Variants in PARD3B observed in about 807,000 individuals in gnomAD.
The protein encoded by PARD3B is par-3 family cell polarity regulator beta, also known as partitioning defective 3 homolog B.
In PARD3B, 103 loss-of-function variants were observed where a neutral mutation model predicts 130.2. That is an observed-to-expected ratio of 0.79 (90% CI 0.67 to 0.93). PARD3B has a LOEUF of 0.93. Ranked by LOEUF, PARD3B falls within the 40% of genes least tolerant of loss-of-function variation. PARD3B has a pLI of 0.00. For synonymous variants in PARD3B, 583 were observed against 553.2 expected (o/e 1.05, Z -0.76); for missense variants, 1,609 against 1,499.2 (o/e 1.07, Z -1.21).
chr2:205,312,473 T>G (rs760375303), intron 18 of PARD3B, among the ~76,000 whole-genome samples: 1 of 152,190 alleles, frequency 6.6e-6, no homozygotes, highest in African/African-American at 2.4e-5. Flanking sequence ...CTGCATACAC[T>G]GAGACTGAGA....
At chr2:204,584,324 T>C (rs1055462348) in intron 1 of PARD3B, among the ~76,000 whole-genome samples, 3 of 152,168 alleles carry the variant, frequency 2.0e-5, no homozygotes, top group Non-Finnish European at 4.4e-5. Flanking sequence ...TATTTAGACA[T>C]TGAGTATAAT....
chr2:204,807,567 A>G (rs1005777482), intron 2 of PARD3B, among the ~76,000 whole-genome samples: 2 of 152,284 alleles, frequency 1.3e-5, no homozygotes, highest in South Asian at 2.1e-4. Flanking sequence ...AGCAGTATTA[A>G]CAATAGCCAA....
chr2:204,903,117 A>G (rs1027028056), intron 2 of PARD3B, among the ~76,000 whole-genome samples: 4 of 152,228 alleles, frequency 2.6e-5, no homozygotes, highest in South Asian at 2.1e-4. Context: ...GTAGGCCTTT[A>G]TGGTACTTCT....
intron 1 of PARD3B, among the ~76,000 whole-genome samples, chr2:204,663,924 G>A (rs919077699): frequency 6.6e-6 from 1 of 152,154 alleles, no homozygotes; most frequent in African/African-American, 2.4e-5. Flanking sequence ...GTGTGCATTC[G>A]CTGAAGTTGT....
chr2:205,380,154 T>C (rs1341605241), intron 18 of PARD3B, among the ~76,000 whole-genome samples: 2 of 114,762 alleles, frequency 1.7e-5, no homozygotes, highest in African/African-American at 3.2e-5. Context: ...ATATATATTA[T>C]ATAAAGAATA....
chr2:204,930,026 TA>T lies in PARD3B; in HGVS notation c.223-35125del, dbSNP rs569889201. Among the ~76,000 whole-genome samples, 293 of 152,198 alleles carry T rather than the reference TA, an allele frequency of 1.9e-3. 2 individuals carry two copies. Among genetic ancestry groups the T allele is most frequent in the African/African-American group, 6.5e-3 (269 of 41,550 alleles). On this transcript the variant is annotated intron_variant, in intron 2 of 22. Coordinates refer to ENST00000406610, the MANE Select transcript of PARD3B (RefSeq NM_001302769.2). ...TCTTTGCCAAGCCCAACTATTTTAT[TA>T]TTTTTTTAATAATAATTCTGTATCT...
chr2:205,316,674 G>C (rs2042574137), intron 18 of PARD3B, among the ~76,000 whole-genome samples: 2 of 152,078 alleles, frequency 1.3e-5, no homozygotes, highest in African/African-American at 4.8e-5. Flanking sequence ...ACCATAATTG[G>C]AGTTTAAATT....
chr2:205,601,983 C>A (rs1247724197), intron 22 of PARD3B, among the ~76,000 whole-genome samples: 1 of 152,122 alleles, frequency 6.6e-6, no homozygotes, highest in Non-Finnish European at 1.5e-5. Flanking sequence ...TCCAGCTTTT[C>A]CCCATTCAGT....
chr2:205,539,489 G>T (rs564980963), intron 21 of PARD3B, among the ~76,000 whole-genome samples: 1 of 152,228 alleles, frequency 6.6e-6, no homozygotes, highest in East Asian at 1.9e-4. Flanking sequence ...CCCCTCCAAG[G>T]CCGTGGTCAG....
At position 205,589,211 on chromosome 2, in the gene PARD3B, C is replaced by T. The variant is rs2054298290; in HGVS notation, c.3261-26245C>T. Among the ~76,000 whole-genome samples, 1 of 152,158 alleles carries T rather than the reference C, an allele frequency of 6.6e-6. No homozygotes were observed. Among genetic ancestry groups the T allele is most frequent in the Non-Finnish European group, 1.5e-5 (1 of 68,030 alleles). ...GCTGAGATAGGAGGATCTCTTGAGC[C>T]CGGGAGGTCGAGGCAGCTGTAGTAA... On this transcript the variant is annotated intron_variant, in intron 22 of 22. Transcript: ENST00000406610. The surrounding 1 kb of genome is among the most constrained non-coding windows in gnomAD (Gnocchi z 4.1).
intron 3 of PARD3B, among the ~76,000 whole-genome samples, chr2:205,039,773 T>G (rs1698263071): frequency 6.6e-6 from 1 of 152,152 alleles, no homozygotes; most frequent in African/African-American, 2.4e-5. Context: ...CTCAGCCTGC[T>G]GACCAGTTTA....
chr2:205,267,556 G>A (rs959660921), intron 16 of PARD3B, among the ~76,000 whole-genome samples: 2 of 152,116 alleles, frequency 1.3e-5, no homozygotes, highest in Non-Finnish European at 2.9e-5. Flanking sequence ...GAAGAGAGGG[G>A]AAGGCATTCC....
chr2:205,329,556 T>C (rs1375938503), intron 18 of PARD3B, among the ~76,000 whole-genome samples: 1 of 152,184 alleles, frequency 6.6e-6, no homozygotes, highest in Non-Finnish European at 1.5e-5. Context: ...GTTATGACTC[T>C]GTGAAAGTAA....
At chr2:204,658,185 CTT>C (rs2035697177) in intron 1 of PARD3B, among the ~76,000 whole-genome samples, 1 of 152,064 alleles carries the variant, frequency 6.6e-6, no homozygotes, top group African/African-American at 2.4e-5. Flanking sequence ...TTCAAAGACA[CTT>C]TGAAGACTAA....
intron 16 of PARD3B, among the ~76,000 whole-genome samples, chr2:205,256,522 A>G (rs2040092357): frequency 6.6e-6 from 1 of 152,158 alleles, no homozygotes; most frequent in Admixed American, 6.5e-5. Context: ...GGTTATCTTT[A>G]TTGAAGAGGA....
chr2:205,397,127 T>A lies in PARD3B; in HGVS notation c.2631-3886T>A, dbSNP rs375636862. 4.6e-5 allele frequency among the ~76,000 whole-genome samples: 7 copies of A among 152,368 alleles called. No homozygotes were observed. The South Asian group carries it at 1.4e-3, about 32-fold the overall frequency. ...AAAATGCAATTAACTTCTCTGGGTCTCAATTTCCTCATCTTAACAATGCGG... is the reference window on the plus strand; with the variant it reads ...AAAATGCAATTAACTTCTCTGGGTCACAATTTCCTCATCTTAACAATGCGG... On this transcript the variant is annotated intron_variant, in intron 18 of 22. Transcript: ENST00000406610. This position sits in a 1 kb window ranked among gnomAD's most constrained non-coding sequence, Gnocchi z 4.8.
chr2:204,584,650 C>A (rs2032738362), intron 1 of PARD3B, among the ~76,000 whole-genome samples: 1 of 152,122 alleles, frequency 6.6e-6, no homozygotes, highest in African/African-American at 2.4e-5. Flanking sequence ...TATTTAAATT[C>A]TATGGGATAT....
intron 18 of PARD3B, among the ~76,000 whole-genome samples, chr2:205,322,964 G>T (rs1393551254): frequency 1.7e-5 from 2 of 119,038 alleles, no homozygotes; most frequent in African/African-American, 3.3e-5. Context: ...AGGCTGGAGT[G>T]CAGAGGCATG....
At chr2:205,605,295 T>C (rs2054942785) in intron 22 of PARD3B, among the ~76,000 whole-genome samples, 1 of 152,200 alleles carries the variant, frequency 6.6e-6, no homozygotes, top group Non-Finnish European at 1.5e-5. Flanking sequence ...GCACTCTGGC[T>C]TTTTAAGTTT....
Sources: allele counts gnomAD v4.1 joint callset (sites outside exome capture counted in the v4.1 genomes callset), GRCh38; gene constraint gnomAD v4.1.1; non-coding constraint Gnocchi (gnomAD v3.1); transcripts MANE v1.5; gene names NCBI Gene and HGNC (gene_info 2026-07-23, HGNC 2026-07-21).